The following DTD1 variants were observed in gnomAD, a reference collection of about 807,000 sequenced individuals.
DTD1 encodes the protein D-aminoacyl-tRNA deacylase 1.
DTD1 carries 13 observed loss-of-function variants against 25.6 expected under a neutral mutation model. The ratio of observed to expected loss-of-function variants is 0.51; its 90% CI spans 0.33 to 0.81. The LOEUF (loss-of-function observed/expected upper bound fraction) is 0.81. DTD1 is among the 30% of genes least tolerant of loss of function. The pLI, the probability that DTD1 is intolerant of heterozygous loss-of-function variation, is 0.02. For synonymous variants in DTD1, 110 were observed against 103.6 expected, an observed-to-expected ratio of 1.06 and a Z score of -0.37; for missense variants, 193 against 266.4, an observed-to-expected ratio of 0.72 and a Z score of 1.92.
intron 1 of DTD1, among the ~76,000 whole-genome samples, chr20:18,589,244 G>C (rs1375377246): frequency 1.0e-5 from 1 of 99,466 alleles, no homozygotes; most frequent in Non-Finnish European, 2.3e-5. Context: ...CCAGCTACTC[G>C]GGAGGCTGAG....
intron 4 of DTD1, among the ~76,000 whole-genome samples, chr20:18,661,124 A>G (rs1304223976): frequency 6.6e-6 from 1 of 152,114 alleles, no homozygotes; most frequent in East Asian, 1.9e-4. Flanking sequence ...CTCTGCCATT[A>G]TCACTCTATC....
At chr20:18,696,130 G>T (rs957840201) in intron 4 of DTD1, among the ~76,000 whole-genome samples, 3 of 152,120 alleles carry the variant, frequency 2.0e-5, no homozygotes, top group Non-Finnish European at 4.4e-5. Context: ...CTGCACCCAG[G>T]CTGCGTTGTC....
chr20:18,620,951 G>C (rs2060731552), intron 3 of DTD1, among the ~76,000 whole-genome samples: 1 of 152,100 alleles, frequency 6.6e-6, no homozygotes, highest in Non-Finnish European at 1.5e-5. Context: ...CAAATAATAA[G>C]ATTCATCCAA....
At chr20:18,697,786 G>A (rs1177413755) in intron 4 of DTD1, among the ~76,000 whole-genome samples, 4 of 152,182 alleles carry the variant, frequency 2.6e-5, no homozygotes, top group African/African-American at 7.2e-5. Context: ...TTAGGTTCAC[G>A]CCATTCTCCT....
chr20:18,637,037 A>G (rs1191500191), intron 4 of DTD1, among the ~76,000 whole-genome samples: 2 of 152,124 alleles, frequency 1.3e-5, no homozygotes, highest in African/African-American at 4.8e-5. Flanking sequence ...GTGTGCTCCT[A>G]AGCACACTGA....
intron 3 of DTD1, among the ~76,000 whole-genome samples, chr20:18,622,942 A>ATTTTTTTTTTTTTTTTTTTTTTT (rs771564529): frequency 1.2e-4 from 16 of 129,750 alleles, no homozygotes; most frequent in Non-Finnish European, 2.4e-4. Flanking sequence ...ATTTTATAGA[A>ATTTTTTTTTTTTTTTTTTTTTTT]TTTTTTTTTT....
At chr20:18,682,871 G>C (rs1414128420) in intron 4 of DTD1, among the ~76,000 whole-genome samples, 1 of 152,008 alleles carries the variant, frequency 6.6e-6, no homozygotes, top group Non-Finnish European at 1.5e-5. Context: ...CCCCATGTGG[G>C]TATACCCTCA....
chr20:18,623,658 C>T (rs55962107), intron 3 of DTD1, among the ~76,000 whole-genome samples: 97 of 152,206 alleles, frequency 6.4e-4, no homozygotes, highest in Non-Finnish European at 1.1e-3. Flanking sequence ...CCCACCCTGG[C>T]GCAGGCCGTC....
chr20:18,729,110 C>T (rs756757235), intron 4 of DTD1, among the ~76,000 whole-genome samples: 36 of 152,172 alleles, frequency 2.4e-4, no homozygotes, highest in Admixed American at 4.6e-4. Flanking sequence ...CTCAAACCAT[C>T]GTCCTGCCTC....
At position 18,664,737 on chromosome 20, in the gene DTD1, ATCTACGGT is replaced by A. The variant is rs537086135; in HGVS notation, c.477+36508_477+36515del. 1.1e-3 allele frequency among the ~76,000 whole-genome samples: 163 copies of A among 152,296 alleles called. 1 individual carries two copies. Among genetic ancestry groups the A allele is most frequent in the African/African-American group, 3.5e-3 (146 of 41,578 alleles). ...ATGACATGGCCAGTTTGCTTTTTTA[ATCTACGGT>A]TCTGGCAGAAGTGTGGGGTGTGTTG... On this transcript the variant is annotated intron_variant, in intron 4 of 5. Coordinates refer to ENST00000377452, the MANE Select transcript of DTD1 (RefSeq NM_080820.6).
At chr20:18,693,643 C>T (rs921510901) in intron 4 of DTD1, among the ~76,000 whole-genome samples, 2 of 107,294 alleles carry the variant, frequency 1.9e-5, no homozygotes, top group South Asian at 3.1e-4. Flanking sequence ...GGTGACAGAG[C>T]GAGACTCCCA....
chr20:18,678,093 G>C (rs2060983169), intron 4 of DTD1, among the ~76,000 whole-genome samples: 1 of 152,252 alleles, frequency 6.6e-6, no homozygotes, highest in Non-Finnish European at 1.5e-5. Flanking sequence ...GCTTAGAAGA[G>C]AATTTGAAAC....
chr20:18,668,626 A>AT (rs1340908866), intron 4 of DTD1, among the ~76,000 whole-genome samples: 1 of 152,094 alleles, frequency 6.6e-6, no homozygotes, highest in African/African-American at 2.4e-5. Flanking sequence ...TGGTCAGGGG[A>AT]TAGAGACTGA....
In DTD1 at chr20:18,631,679, G is replaced by A. The variant is rs999208779; in HGVS notation, c.477+3446G>A. 1.2e-5 allele frequency: 12 copies of A among 985,242 alleles called. No homozygotes were observed. In the African/African-American group the frequency reaches 2.1e-4, roughly 17 times the overall value. 61.0% of individuals were successfully genotyped at this position (985,242 alleles called of 1,614,324 possible). A position where few individuals can be genotyped will look rare whatever the true frequency, so the allele number is the denominator to read the frequency against. On this transcript the variant is annotated intron_variant, in intron 4 of 5. Transcript: ENST00000377452. ...CTGCCCACTTTTGCCCCTGGAAATG[G>A]CTGGAGCCTTGTTTCCCAGGACGTC...
intron 5 of DTD1, among the ~76,000 whole-genome samples, chr20:18,744,495 A>G (rs1342819307): frequency 6.6e-6 from 1 of 152,152 alleles, no homozygotes; most frequent in Non-Finnish European, 1.5e-5. Context: ...AAGATAAAGA[A>G]GTTTAATGGA....
chr20:18,624,473 A>T (rs1250143097), intron 3 of DTD1, among the ~76,000 whole-genome samples: 2 of 152,150 alleles, frequency 1.3e-5, no homozygotes, highest in Admixed American at 1.3e-4. Context: ...ATATCCCAAG[A>T]CATCATGAGC....
chr20:18,686,668 G>T (rs551500680), intron 4 of DTD1, among the ~76,000 whole-genome samples: 1 of 152,056 alleles, frequency 6.6e-6, no homozygotes, highest in South Asian at 2.1e-4. Context: ...GTGTGTGTGT[G>T]TGTGTGTGGT....
At chr20:18,656,906 A>G (rs2060893552) in intron 4 of DTD1, among the ~76,000 whole-genome samples, 2 of 152,236 alleles carry the variant, frequency 1.3e-5, no homozygotes, top group African/African-American at 4.8e-5. Flanking sequence ...ACTTTAAATA[A>G]ATTCCAGTTT....
chr20:18,601,169 C>T (rs538259370), intron 3 of DTD1, among the ~76,000 whole-genome samples: 1 of 152,162 alleles, frequency 6.6e-6, no homozygotes, highest in East Asian at 1.9e-4. Flanking sequence ...ATGACGTTTG[C>T]TGTAGGTTTT....
Sources: gnomAD v4.1 joint callset for allele counts (sites outside exome capture counted in the v4.1 genomes callset) on GRCh38, gnomAD v4.1.1 for gene constraint, MANE v1.5 for transcripts, NCBI Gene and HGNC (gene_info 2026-07-23, HGNC 2026-07-21) for gene names.